HMCN1: variants seen among roughly 807,000 people sequenced by gnomAD.
The protein encoded by HMCN1 is hemicentin 1.
Under a neutral mutation model 625.9 loss-of-function variants are expected in HMCN1, and 321 were observed. That is an observed-to-expected ratio of 0.51 (90% CI 0.47 to 0.56). HMCN1 has a LOEUF of 0.56. Among genes scored for constraint, HMCN1 ranks in the 20% least tolerant of loss-of-function variants. The probability of loss-of-function intolerance (pLI) is 0.00; values close to 1 mark genes in which losing one functional copy is unlikely to be tolerated. For missense variants in HMCN1, 6,588 were observed against 6,887.3 expected, an observed-to-expected ratio of 0.96 and a Z score of 1.54; for synonymous variants, 2,425 against 2,417.6, an observed-to-expected ratio of 1.00 and a Z score of -0.09.
intron 15 of HMCN1, among the ~76,000 whole-genome samples, chr1:185,972,659 T>C (rs1202132142): frequency 6.6e-6 from 1 of 152,156 alleles, no homozygotes; most frequent in Admixed American, 6.6e-5. Flanking sequence ...GTCAGTACCA[T>C]TCATGTTTCT....
intron 14 of HMCN1, among the ~76,000 whole-genome samples, chr1:185,966,517 A>T (rs570943468): frequency 3.9e-5 from 6 of 152,088 alleles, no homozygotes; most frequent in Non-Finnish European, 7.4e-5. Flanking sequence ...GGTGAGATAC[A>T]CTTGGATTCT....
intron 58 of HMCN1, among the ~76,000 whole-genome samples, chr1:186,086,865 T>C (rs186457288): frequency 6.2e-4 from 92 of 148,234 alleles, no homozygotes; most frequent in African/African-American, 2.1e-3. Flanking sequence ...GATAGATAGA[T>C]AGATTAGACA....
At position 186,052,063 on chromosome 1, in the gene HMCN1, G is replaced by T. The variant is rs1349321306; in HGVS notation, c.6578-889G>T. ...TGGGTTCATACAGAATGATGGCAGG[G>T]CTTAGTATGAAAAGTGTAAGAACAC... On this transcript the variant is annotated intron_variant, in intron 42 of 106. Coordinates refer to ENST00000271588, the MANE Select transcript of HMCN1 (RefSeq NM_031935.3). 2.6e-5 allele frequency among the ~76,000 whole-genome samples: 4 copies of T among 152,036 alleles called. No homozygotes were observed. In the East Asian group the frequency reaches 7.8e-4, roughly 29 times the overall value.
chr1:185,858,262 C>A (rs890193436), intron 2 of HMCN1, among the ~76,000 whole-genome samples: 1 of 151,916 alleles, frequency 6.6e-6, no homozygotes, highest in South Asian at 2.1e-4. Context: ...GTCTTATTAC[C>A]GAGAAAAGTA....
intron 105 of HMCN1, among the ~76,000 whole-genome samples, chr1:186,186,900 G>T (rs977760275): frequency 6.6e-6 from 1 of 151,762 alleles, no homozygotes; most frequent in Non-Finnish European, 1.5e-5. Context: ...TTACATTTGG[G>T]ATCTTAAAAT....
intron 6 of HMCN1, among the ~76,000 whole-genome samples, chr1:185,918,547 C>T (rs967639853): frequency 7.2e-5 from 11 of 152,108 alleles, no homozygotes; most frequent in East Asian, 3.9e-4. Context: ...AATACTTTAC[C>T]AGCTATCTAG....
intron 11 of HMCN1, among the ~76,000 whole-genome samples, chr1:185,959,290 T>A (rs1437002500): frequency 6.6e-6 from 1 of 152,176 alleles, no homozygotes; most frequent in Non-Finnish European, 1.5e-5. Flanking sequence ...TCTCCTGAGC[T>A]TGAAGATAGT....
intron 95 of HMCN1, among the ~76,000 whole-genome samples, chr1:186,152,103 A>T (rs148868237): frequency 9.8e-5 from 15 of 152,342 alleles, no homozygotes; most frequent in African/African-American, 3.6e-4. Flanking sequence ...AGATCCAATT[A>T]GGATACTTTA....
At position 185,812,425 on chromosome 1, in the gene HMCN1, A is replaced by G. The variant is rs1659583062; in HGVS notation, c.269-33601A>G. ...CTGTTTCTTTAACAAAAAAAGTGTC[A>G]TATGCGACTCTAAGAAAAATTAAAT... On this transcript the variant is annotated intron_variant, in intron 1 of 106. Transcript: ENST00000271588. Among the ~76,000 whole-genome samples the G allele has an allele frequency of 2.0e-5, 3 of 152,186 alleles. No homozygotes were observed. In the South Asian group the frequency reaches 6.2e-4, roughly 31 times the overall value.
At chr1:185,796,381 G>T (rs955870914) in intron 1 of HMCN1, among the ~76,000 whole-genome samples, 1 of 152,154 alleles carries the variant, frequency 6.6e-6, no homozygotes, top group East Asian at 1.9e-4. Context: ...GACCCCTGGT[G>T]TACATTGTAC....
chr1:185,941,813 TA>T (rs749133990), intron 11 of HMCN1, among the ~76,000 whole-genome samples: 1 of 152,190 alleles, frequency 6.6e-6, no homozygotes, highest in Non-Finnish European at 1.5e-5. Context: ...GTGATCTCTC[TA>T]AAACTTAAAG....
At chr1:186,092,593 AT>A (rs1021260997) in intron 64 of HMCN1, among the ~76,000 whole-genome samples, 1 of 151,986 alleles carries the variant, frequency 6.6e-6, no homozygotes, top group Non-Finnish European at 1.5e-5. Context: ...TAATGATCTC[AT>A]TGTATATTTA....
chr1:185,884,131 G>A (rs1664486305), intron 4 of HMCN1, among the ~76,000 whole-genome samples: 1 of 151,404 alleles, frequency 6.6e-6, no homozygotes, highest in African/African-American at 2.4e-5. Flanking sequence ...ATAAGATGTG[G>A]CCCTTTTGTG....
chr1:185,903,367 T>C (rs1341961123), intron 4 of HMCN1, among the ~76,000 whole-genome samples: 1 of 151,852 alleles, frequency 6.6e-6, no homozygotes, highest in Non-Finnish European at 1.5e-5. Context: ...GCCCAAATTT[T>C]CTAAGCCATT....
chr1:186,055,255 G>A, intron 44 of HMCN1, 138 bp from the exon 45 acceptor site: 1 of 794,548 alleles, frequency 1.3e-6, no homozygotes, highest in South Asian at 1.6e-5. Context: ...CATCATGTCT[G>A]TTAGTCCTGG....
In HMCN1 at chr1:185,990,970, A is replaced by G. The variant is rs186033614; in HGVS notation, c.3377+527A>G. Among the ~76,000 whole-genome samples, 6 of 152,312 alleles carry G rather than the reference A, an allele frequency of 3.9e-5. No homozygotes were observed. In the East Asian group the frequency reaches 1.2e-3, roughly 29 times the overall value. The stretch of plus-strand genomic sequence containing the variant: ...TTGTTGCCAACCAGCTATAAGTTTA[A>G]ATTTCTCTCTTACACTTAAACTTTG... On this transcript the variant is annotated intron_variant, in intron 22 of 106. Transcript: ENST00000271588.
chr1:185,742,643 A>G (rs551574767), intron 1 of HMCN1, among the ~76,000 whole-genome samples: 1 of 152,338 alleles, frequency 6.6e-6, no homozygotes, highest in Non-Finnish European at 1.5e-5. Context: ...CTGTGCCTCT[A>G]GCACATCCTA....
At chr1:185,821,669 G>A (rs956602871) in intron 1 of HMCN1, among the ~76,000 whole-genome samples, 3 of 151,854 alleles carry the variant, frequency 2.0e-5, no homozygotes, top group Admixed American at 6.6e-5. Flanking sequence ...GAGGTATGGA[G>A]CCAGTCTTGT....
rs553075784 is a variant in HMCN1, at chr1:186,187,037, C to T, written c.16415-846C>T. ...ACACACACACACACACACACACACACGCATGCAAACATTTTCATTCACAGA... is the reference window on the plus strand; with the variant it reads ...ACACACACACACACACACACACACATGCATGCAAACATTTTCATTCACAGA... On this transcript the variant is annotated intron_variant, in intron 105 of 106. Transcript: ENST00000271588. 2.7e-3 allele frequency among the ~76,000 whole-genome samples: 406 copies of T among 148,408 alleles called. 2 individuals carry two copies. Among genetic ancestry groups the T allele is most frequent in the African/African-American group, 9.3e-3 (375 of 40,420 alleles).
Sources: gnomAD v4.1 joint callset for allele counts (sites outside exome capture counted in the v4.1 genomes callset) on GRCh38, gnomAD v4.1.1 for gene constraint, MANE v1.5 for transcripts, NCBI Gene and HGNC (gene_info 2026-07-23, HGNC 2026-07-21) for gene names.